The following CFAP299 variants were observed in gnomAD, a reference collection of about 807,000 sequenced individuals.
CFAP299 encodes cilia- and flagella-associated protein 299.
CFAP299 carries 21 observed loss-of-function variants against 27.0 expected under a neutral mutation model. The ratio of observed to expected loss-of-function variants is 0.78; its 90% CI spans 0.55 to 1.12. The LOEUF is 1.12. Among genes scored for constraint, CFAP299 ranks in the 50% most tolerant of loss-of-function variants. The pLI, the probability that CFAP299 is intolerant of heterozygous loss-of-function variation, is 0.00. For synonymous variants in CFAP299, 104 were observed against 98.1 expected (o/e 1.06, Z -0.36); for missense variants, 310 against 276.6 (o/e 1.12, Z -0.86).
In CFAP299 at chr4:80,912,005, G is replaced by C. The variant is rs182940340; in HGVS notation, c.477-32805G>C. Among the ~76,000 whole-genome samples, 37 of 151,418 alleles carry C rather than the reference G, an allele frequency of 2.4e-4. No individual in the cohort carries two copies. The East Asian group carries it at 7.2e-3, about 29-fold the overall frequency. On this transcript the variant is annotated intron_variant, in intron 4 of 5. Transcript: ENST00000358105. ...TTTATTTGAGGAAAGCTGACCTCTG[G>C]GCACTAAATCACTATTATTTAATAC...
At chr4:80,865,538 T>C (rs1237901486) in intron 3 of CFAP299, among the ~76,000 whole-genome samples, 1 of 152,190 alleles carries the variant, frequency 6.6e-6, no homozygotes, top group Admixed American at 6.5e-5. Context: ...AGTTGTAATT[T>C]CCTGACAATT....
intron 2 of CFAP299, among the ~76,000 whole-genome samples, chr4:80,493,241 T>C (rs1731232893): frequency 6.6e-6 from 1 of 152,232 alleles, no homozygotes. Flanking sequence ...TAAAACTTTC[T>C]TTTAATTATC....
chr4:80,806,087 A>T (rs1354380088), intron 3 of CFAP299, among the ~76,000 whole-genome samples: 1 of 152,118 alleles, frequency 6.6e-6, no homozygotes, highest in African/African-American at 2.4e-5. Flanking sequence ...GAGATTGTGA[A>T]CTCACTTTTT....
intron 2 of CFAP299, among the ~76,000 whole-genome samples, chr4:80,421,804 A>G (rs757201543): frequency 1.3e-5 from 2 of 152,160 alleles, no homozygotes; most frequent in Non-Finnish European, 2.9e-5. Context: ...AACTAAATAA[A>G]ACTCCAGTGT....
At chr4:80,663,083 A>T (rs2109983848) in intron 3 of CFAP299, among the ~76,000 whole-genome samples, 1 of 151,670 alleles carries the variant, frequency 6.6e-6, no homozygotes, top group African/African-American at 2.4e-5. Flanking sequence ...ATTAATAATC[A>T]GTTGTATCAA....
At chr4:80,676,362 A>G (rs1719455137) in intron 3 of CFAP299, among the ~76,000 whole-genome samples, 1 of 152,160 alleles carries the variant, frequency 6.6e-6, no homozygotes, top group African/African-American at 2.4e-5. Flanking sequence ...TCAGTCTGCT[A>G]TTATTTTGTT....
intron 3 of CFAP299, among the ~76,000 whole-genome samples, chr4:80,811,316 G>T (rs2110116951): frequency 6.6e-6 from 1 of 152,136 alleles, no homozygotes; most frequent in African/African-American, 2.4e-5. Context: ...CATAGTGTAG[G>T]TATCTTTTAA....
At chr4:80,620,501 T>TA (rs953306680) in intron 3 of CFAP299, among the ~76,000 whole-genome samples, 1 of 152,128 alleles carries the variant, frequency 6.6e-6, no homozygotes, top group Non-Finnish European at 1.5e-5. Flanking sequence ...ACACATCTTA[T>TA]ATTTATATTT....
chr4:80,529,138 T>G (rs76291275), intron 2 of CFAP299, among the ~76,000 whole-genome samples: 2,763 of 152,258 alleles, frequency 0.018, 76 homozygotes, highest in African/African-American at 0.06. Context: ...TGATAGCAGC[T>G]TTCCTGTCTT....
intron 3 of CFAP299, among the ~76,000 whole-genome samples, chr4:80,820,781 T>C (rs1190292237): frequency 6.6e-6 from 1 of 152,198 alleles, no homozygotes; most frequent in Non-Finnish European, 1.5e-5. Flanking sequence ...CACATTAGTG[T>C]TGCAATTAAT....
chr4:80,720,593 T>A (rs1722754588), intron 3 of CFAP299, among the ~76,000 whole-genome samples: 1 of 152,100 alleles, frequency 6.6e-6, no homozygotes. Context: ...ATTTTAAACC[T>A]ACCTTTTAAG....
At chr4:80,809,396 C>A (rs796398891) in intron 3 of CFAP299, among the ~76,000 whole-genome samples, 3 of 151,998 alleles carry the variant, frequency 2.0e-5, no homozygotes, top group Non-Finnish European at 4.4e-5. Flanking sequence ...CAGAATAAAC[C>A]ATGCAAGTGT....
chr4:80,938,555 C>G (rs956386139), intron 4 of CFAP299, among the ~76,000 whole-genome samples: 7 of 152,126 alleles, frequency 4.6e-5, no homozygotes, highest in African/African-American at 1.7e-4. Flanking sequence ...TCAGTAAATA[C>G]GTGGGTAAAT....
At chr4:80,581,467 T>TATATATATATATATAG (rs1472719766) in intron 2 of CFAP299, among the ~76,000 whole-genome samples, 3 of 134,968 alleles carry the variant, frequency 2.2e-5, no homozygotes, top group African/African-American at 8.9e-5. Context: ...TATATATATA[T>TATATATATATATATAG]ATATATATAT....
At position 80,423,137 on chromosome 4, in the gene CFAP299, ATATGTGGTCTG is replaced by A. The variant is rs200288772; in HGVS notation, c.242+60255_242+60265del. 7.9e-3 allele frequency among the ~76,000 whole-genome samples: 1,203 copies of A among 152,342 alleles called. 18 individuals carry two copies. Among genetic ancestry groups the A allele is most frequent in the African/African-American group, 0.028 (1,147 of 41,584 alleles). On this transcript the variant is annotated intron_variant, in intron 2 of 5. Transcript: ENST00000358105. ...TATAATCTTATGGGACTACCCTTGT[ATATGTGGTCTG>A]TGGTTGACAAGAACCTTGTTATGTG...
chr4:80,650,164 T>C (rs370377145), intron 3 of CFAP299, among the ~76,000 whole-genome samples: 1 of 152,074 alleles, frequency 6.6e-6, no homozygotes, highest in Non-Finnish European at 1.5e-5. Context: ...TTGTAAGAAT[T>C]TGCAGAATTC....
chr4:80,655,036 T>A (rs1740487532), intron 3 of CFAP299, among the ~76,000 whole-genome samples: 1 of 152,150 alleles, frequency 6.6e-6, no homozygotes, highest in East Asian at 1.9e-4. Context: ...AATATTTTAA[T>A]AAAAGACATT....
upstream of CFAP299, among the ~76,000 whole-genome samples, chr4:80,335,379 G>A (rs1722081311): frequency 1.3e-5 from 2 of 152,158 alleles, no homozygotes; most frequent in African/African-American, 4.8e-5. Context: ...TTTTGAGACA[G>A]TCTTTTTGCA....
intron 3 of CFAP299, among the ~76,000 whole-genome samples, chr4:80,670,803 G>C (rs1741434725): frequency 6.6e-6 from 1 of 152,202 alleles, no homozygotes; most frequent in Non-Finnish European, 1.5e-5. Context: ...AGAAGTGTCT[G>C]TTCCTATCCT....
Sources: allele counts gnomAD v4.1 joint callset (sites outside exome capture counted in the v4.1 genomes callset), GRCh38; gene constraint gnomAD v4.1.1; transcripts MANE v1.5; gene names NCBI Gene and HGNC (gene_info 2026-07-23, HGNC 2026-07-21).